TLN2: variants seen among roughly 807,000 people sequenced by gnomAD.
TLN2 encodes the protein talin-2.
Under a neutral mutation model 294.7 loss-of-function variants are expected in TLN2, and 118 were observed. The observed-to-expected ratio is 0.40, with a 90% CI of 0.34 to 0.47. The LOEUF is 0.47. Ranked by LOEUF, TLN2 falls within the 20% of genes least tolerant of loss-of-function variation. TLN2 has a pLI of 0.84. For missense variants in TLN2, 3,083 were observed against 3,282.2 expected (o/e 0.94, Z 1.48); for synonymous variants, 1,431 against 1,304.5 (o/e 1.10, Z -2.09).
In TLN2 at chr15:62,442,492, C is replaced by A. The variant is rs1255512571; in HGVS notation, c.-238+51807C>A. 6.4e-4 allele frequency among the ~76,000 whole-genome samples: 42 copies of A among 65,534 alleles called. 1 individual carries two copies. Among genetic ancestry groups the A allele is most frequent in the Non-Finnish European group, 8.9e-4 (31 of 34,946 alleles). 43.0% of individuals were successfully genotyped at this position (65,534 alleles called of 152,430 possible). ...TGGGGCACAGAGTGAGACTCTGTCTCAGAAAAAAAAAAAAAAAAAAAAAAA... is the reference window on the plus strand; with the variant it reads ...TGGGGCACAGAGTGAGACTCTGTCTAAGAAAAAAAAAAAAAAAAAAAAAAA... On this transcript the variant is annotated intron_variant, in intron 1 of 58. Coordinates refer to ENST00000636159, the MANE Select transcript of TLN2 (RefSeq NM_015059.3).
chr15:62,672,236 A>G (rs1484171144), intron 9 of TLN2, among the ~76,000 whole-genome samples: 4 of 152,252 alleles, frequency 2.6e-5, no homozygotes, highest in Non-Finnish European at 5.9e-5. Flanking sequence ...ATTTAGAAAC[A>G]TCAGAATAAA....
intron 22 of TLN2, among the ~76,000 whole-genome samples, chr15:62,715,016 A>C (rs890846642): frequency 3.3e-5 from 5 of 152,262 alleles, no homozygotes; most frequent in African/African-American, 1.2e-4. Context: ...TGACTTTCAT[A>C]AACTTGCAAA....
At chr15:62,774,494 A>G (rs2063563242) in intron 42 of TLN2, among the ~76,000 whole-genome samples, 2 of 152,138 alleles carry the variant, frequency 1.3e-5, no homozygotes, top group South Asian at 4.1e-4. Flanking sequence ...ACTAGCAGGT[A>G]TGTGTGATTT....
chr15:62,712,226 T>C (rs776483464), intron 22 of TLN2, 149 bp downstream of exon 22: 171 of 978,686 alleles, frequency 1.7e-4, no homozygotes, highest in Non-Finnish European at 2.4e-4. Flanking sequence ...CCTGTTCTTG[T>C]GGCAAAGGCG....
At chr15:62,632,540 T>C (rs1377757518) in intron 3 of TLN2, among the ~76,000 whole-genome samples, 1 of 152,210 alleles carries the variant, frequency 6.6e-6, no homozygotes. Context: ...AGGCAGCAGC[T>C]GATCTACTAC....
Position 62,698,770 on chromosome 15 carries a change from C to T in TLN2, c.1490C>T (p.Ala497Val), listed in dbSNP as rs1427088019. 1.2e-6 allele frequency: 2 copies of T among 1,610,890 alleles called. No homozygotes were observed. The highest frequency in any genetic ancestry group is 1.7e-6 in the Non-Finnish European group (2 of 1,179,816). The change falls in exon 16 of 59, where the codon GCC becomes GTC. Residue 497 changes from alanine (A) to valine (V), a missense_variant. Ala to Val is a moderately conservative substitution (Grantham distance 64, BLOSUM62 0). Transcript: ENST00000636159. The part of the protein sequence containing the change: ...HMPPLTSAQQ[A>V]LMGTINTSMH... ...CCTTTGCAGACCTCAGCCCAGCAGGCCCTGATGGGGACCATCAACACAAGC... is the reference window on the plus strand; with the variant it reads ...CCTTTGCAGACCTCAGCCCAGCAGGTCCTGATGGGGACCATCAACACAAGC...
intron 2 of TLN2, among the ~76,000 whole-genome samples, chr15:62,608,054 G>T (rs1410330932): frequency 1.3e-5 from 2 of 152,164 alleles, no homozygotes; most frequent in Non-Finnish European, 2.9e-5. Flanking sequence ...CGTATCTGAA[G>T]ATTTGAGTTT....
chr15:62,587,686 G>A (rs1462810450), intron 1 of TLN2, among the ~76,000 whole-genome samples: 1 of 152,076 alleles, frequency 6.6e-6, no homozygotes, highest in Non-Finnish European at 1.5e-5. Flanking sequence ...TCTACCTTGA[G>A]TGAATTCTTA....
chr15:62,636,172 A>G (rs1481763759), intron 3 of TLN2, among the ~76,000 whole-genome samples: 1 of 152,366 alleles, frequency 6.6e-6, no homozygotes, highest in East Asian at 1.9e-4. Flanking sequence ...GAAGGATGGG[A>G]AAATTACAGC....
intron 1 of TLN2, among the ~76,000 whole-genome samples, chr15:62,566,802 C>T (rs1355151578): frequency 6.6e-6 from 1 of 151,802 alleles, no homozygotes; most frequent in Non-Finnish European, 1.5e-5. Context: ...GTCTTCCTGC[C>T]CCAGCCTTTC....
chr15:62,480,474 C>T (rs1337175212), intron 1 of TLN2, among the ~76,000 whole-genome samples: 1 of 152,234 alleles, frequency 6.6e-6, no homozygotes, highest in African/African-American at 2.4e-5. Context: ...TAACAGCCAC[C>T]TCGGCCTCCC....
At chr15:62,673,740 AAC>A in intron 9 of TLN2, 85 bp from the exon 10 acceptor site, 1 of 1,000,284 alleles carries the variant, frequency 1.0e-6, no homozygotes, top group Non-Finnish European at 1.5e-6. Flanking sequence ...TTAGTGAGTT[AAC>A]TATGAGTTTT....
rs182944134 is a variant in TLN2, at chr15:62,452,815, G to C, written c.-238+62130G>C. Among the ~76,000 whole-genome samples, 432 of 152,326 alleles carry C rather than the reference G, an allele frequency of 2.8e-3. 2 individuals carry two copies. Among genetic ancestry groups the C allele is most frequent in the African/African-American group, 0.01 (417 of 41,570 alleles). ...CTCCTGCTCCCTTCTGCCTGTCCTTGTTGCCCAGAGTGGCGGGGCCAGTGT... is the reference window on the plus strand; with the variant it reads ...CTCCTGCTCCCTTCTGCCTGTCCTTCTTGCCCAGAGTGGCGGGGCCAGTGT... On this transcript the variant is annotated intron_variant, in intron 1 of 58. Coordinates refer to ENST00000636159, the MANE Select transcript of TLN2 (RefSeq NM_015059.3).
chr15:62,530,379 A>G (rs926592918), intron 1 of TLN2, among the ~76,000 whole-genome samples: 11 of 151,792 alleles, frequency 7.2e-5, no homozygotes, highest in African/African-American at 2.4e-4. Context: ...TTCATTCAAG[A>G]TGGAGTCTCG....
At chr15:62,769,020 G>C (rs932748741) in intron 41 of TLN2, among the ~76,000 whole-genome samples, 3 of 152,258 alleles carry the variant, frequency 2.0e-5, no homozygotes, top group Non-Finnish European at 4.4e-5. Flanking sequence ...CAGAGCTGAA[G>C]TCCTTCATGG....
In TLN2 at chr15:62,691,002, T is replaced by C. The variant is rs867860953; in HGVS notation, c.1114-1838T>C. The stretch of plus-strand genomic sequence containing the variant: ...TCGGCTCGGCATCAGAGGGAGACCG[T>C]GGAAAGAGAGGGGGAGGGAGACCGT... On this transcript the variant is annotated intron_variant, in intron 12 of 58. Transcript: ENST00000636159. 1.5e-3 allele frequency among the ~76,000 whole-genome samples: 177 copies of C among 114,580 alleles called. 3 individuals carry two copies. The Middle Eastern group carries it at 0.035, about 23-fold the overall frequency. The allele number at this position is 114,580 out of a possible 152,430, so 75.2% of individuals were successfully genotyped here.
chr15:62,419,483 C>T (rs2034265590), intron 1 of TLN2, among the ~76,000 whole-genome samples: 1 of 152,188 alleles, frequency 6.6e-6, no homozygotes, highest in Non-Finnish European at 1.5e-5. Flanking sequence ...AGAGCTGCCA[C>T]TACAAATAGG....
chr15:62,519,991 G>C (rs1327058018), intron 1 of TLN2, among the ~76,000 whole-genome samples: 1 of 152,192 alleles, frequency 6.6e-6, no homozygotes, highest in Non-Finnish European at 1.5e-5. Flanking sequence ...CGAAAGGCAC[G>C]TCTTACGTGG....
intron 44 of TLN2, among the ~76,000 whole-genome samples, chr15:62,783,441 C>T (rs978375338): frequency 6.6e-6 from 1 of 152,232 alleles, no homozygotes; most frequent in Non-Finnish European, 1.5e-5. Context: ...GGCTGGCACA[C>T]TCACCTGCCA....
Sources: gnomAD v4.1 joint callset for allele counts (sites outside exome capture counted in the v4.1 genomes callset) on GRCh38, gnomAD v4.1.1 for gene constraint, MANE v1.5 for transcripts, NCBI Gene and HGNC (gene_info 2026-07-23, HGNC 2026-07-21) for gene names.